Variants in SAMTOR observed in about 807,000 individuals in gnomAD.
SAMTOR encodes the protein S-adenosylmethionine sensor upstream of mTORC1.
At chr7:112,865,826 A>G in the SAMTOR span, among the ~76,000 whole-genome samples, 3 of 146,456 alleles carry the variant, frequency 2.0e-5, no homozygotes, top group Admixed American at 6.9e-5. Context: ...ATATATATAT[A>G]TTTATCTATA....
chr7:112,918,260 T>C, the SAMTOR span, among the ~76,000 whole-genome samples: 4 of 152,176 alleles, frequency 2.6e-5, no homozygotes, highest in South Asian at 2.1e-4. Flanking sequence ...CGGCAGAAAC[T>C]CTACAAGCCA....
chr7:112,890,850 CTGGCTTTTTTGTTATTTTTT>C, the SAMTOR span, among the ~76,000 whole-genome samples: 1 of 151,996 alleles, frequency 6.6e-6, no homozygotes, highest in Non-Finnish European at 1.5e-5. Context: ...GCCACTACAC[CTGGCTTTTTTGTTATTTTTT>C]TGTAGAGACA....
the SAMTOR span, among the ~76,000 whole-genome samples, chr7:112,896,749 TGATA>T: frequency 6.6e-6 from 1 of 152,122 alleles, no homozygotes; most frequent in Admixed American, 6.5e-5. Context: ...AAAACATGAT[TGATA>T]AACAGATAAA....
the SAMTOR span, among the ~76,000 whole-genome samples, chr7:112,932,045 C>A: frequency 3.9e-5 from 6 of 151,932 alleles, no homozygotes; most frequent in African/African-American, 1.5e-4. Flanking sequence ...CCTACCTCAG[C>A]CTCACAAGTA....
At chr7:112,856,742 G>T in the SAMTOR span, among the ~76,000 whole-genome samples, 1 of 152,096 alleles carries the variant, frequency 6.6e-6, no homozygotes. Flanking sequence ...AATATTTATT[G>T]TCCAAATGTA....
chr7:112,907,637 A>C, the SAMTOR span, among the ~76,000 whole-genome samples: 1 of 151,920 alleles, frequency 6.6e-6, no homozygotes, highest in Non-Finnish European at 1.5e-5. Context: ...GAAAAAAAAA[A>C]CTATCAAAAA....
the SAMTOR span, among the ~76,000 whole-genome samples, chr7:112,925,389 T>C: frequency 6.6e-6 from 1 of 152,246 alleles, no homozygotes; most frequent in Non-Finnish European, 1.5e-5. Context: ...TTATATGTGC[T>C]GTTAATAGGA....
chr7:112,917,110 G>C, the SAMTOR span, among the ~76,000 whole-genome samples: 1 of 152,234 alleles, frequency 6.6e-6, no homozygotes, highest in South Asian at 2.1e-4. Flanking sequence ...GGTTCTCCCA[G>C]CACGCAGCTG....
At chr7:112,890,641 T>C in the SAMTOR span, among the ~76,000 whole-genome samples, 3 of 150,622 alleles carry the variant, frequency 2.0e-5, no homozygotes, top group Non-Finnish European at 4.4e-5. Context: ...TTACAAAATA[T>C]ATATATATTA....
At chr7:112,882,325 G>C in the SAMTOR span, among the ~76,000 whole-genome samples, 1 of 152,184 alleles carries the variant, frequency 6.6e-6, no homozygotes, top group Non-Finnish European at 1.5e-5. Context: ...AGCAAAACTT[G>C]GACAAAGGCA....
At chr7:112,921,944 C>CCCCTCT in the SAMTOR span, among the ~76,000 whole-genome samples, 29 of 149,400 alleles carry the variant, frequency 1.9e-4, no homozygotes, top group East Asian at 2.0e-3. Flanking sequence ...AAAGCCCCTC[C>CCCCTCT]CCCTCTCCCT....
At chr7:112,883,459 T>C in the SAMTOR span, among the ~76,000 whole-genome samples, 2 of 152,070 alleles carry the variant, frequency 1.3e-5, no homozygotes, top group African/African-American at 2.4e-5. Context: ...TAAAAAACAA[T>C]AGCAAAAAAG....
At chr7:112,897,274 A>G in the SAMTOR span, among the ~76,000 whole-genome samples, 2 of 152,224 alleles carry the variant, frequency 1.3e-5, no homozygotes, top group Non-Finnish European at 2.9e-5. Context: ...AATACCCACT[A>G]ACTGTACACT....
chr7:112,843,872 A>C, the SAMTOR span, among the ~76,000 whole-genome samples: 1 of 152,154 alleles, frequency 6.6e-6, no homozygotes, highest in East Asian at 1.9e-4. Context: ...TCATGCAAAA[A>C]TCCTCAACAA....
chr7:112,922,644 C>T, the SAMTOR span, among the ~76,000 whole-genome samples: 21 of 151,538 alleles, frequency 1.4e-4, no homozygotes, highest in African/African-American at 5.1e-4. Context: ...TCTGCCCGGC[C>T]ATGACCCCAT....
the SAMTOR span, among the ~76,000 whole-genome samples, chr7:112,926,068 T>C: frequency 1.3e-5 from 2 of 152,192 alleles, no homozygotes; most frequent in Non-Finnish European, 2.9e-5. Context: ...CAATCTGCAC[T>C]GCTAGTCTGC....
the SAMTOR span, among the ~76,000 whole-genome samples, chr7:112,923,770 A>G: frequency 7.2e-5 from 11 of 152,070 alleles, no homozygotes; most frequent in Admixed American, 6.6e-4. Flanking sequence ...ACTATTCACA[A>G]TAGCAAAGAC....
chr7:112,917,044 A>C, the SAMTOR span, among the ~76,000 whole-genome samples: 1 of 152,228 alleles, frequency 6.6e-6, no homozygotes, highest in African/African-American at 2.4e-5. Flanking sequence ...AAAAGACAGC[A>C]GTAACCTCTG....
At chr7:112,882,827 T>A in the SAMTOR span, among the ~76,000 whole-genome samples, 1 of 151,268 alleles carries the variant, frequency 6.6e-6, no homozygotes, top group South Asian at 2.1e-4. Flanking sequence ...GTGTAACATC[T>A]TTTGCTCACT....
Sources: gnomAD v4.1 joint callset for allele counts (sites outside exome capture counted in the v4.1 genomes callset) on GRCh38, gnomAD v4.1.1 for gene constraint, MANE v1.5 for transcripts, NCBI Gene and HGNC (gene_info 2026-07-23, HGNC 2026-07-21) for gene names.